Variants in DOCK4 observed in about 807,000 individuals in gnomAD.
The protein encoded by DOCK4 is dedicator of cytokinesis 4.
Under a neutral mutation model 268.1 loss-of-function variants are expected in DOCK4, and 97 were observed. The ratio of observed to expected loss-of-function variants is 0.36; its 90% CI spans 0.31 to 0.43. DOCK4 has a LOEUF of 0.43. Ranked by LOEUF, DOCK4 falls within the 20% of genes least tolerant of loss-of-function variation. The pLI, the probability that DOCK4 is intolerant of heterozygous loss-of-function variation, is 1.00. For synonymous variants in DOCK4, 954 were observed against 887.2 expected (o/e 1.08, Z -1.34); for missense variants, 2,145 against 2,455.7 (o/e 0.87, Z 2.67).
At chr7:112,131,218 A>G (rs1321757730) in intron 1 of DOCK4, among the ~76,000 whole-genome samples, 1 of 152,206 alleles carries the variant, frequency 6.6e-6, no homozygotes, top group Non-Finnish European at 1.5e-5. Flanking sequence ...TCCATTCAGC[A>G]CTTGAGATTG....
At chr7:112,152,897 C>T (rs184878417) in intron 1 of DOCK4, among the ~76,000 whole-genome samples, 2 of 152,194 alleles carry the variant, frequency 1.3e-5, no homozygotes, top group East Asian at 3.9e-4. Flanking sequence ...AACTAAGAGC[C>T]TGTAAGAGTA....
At chr7:111,956,909 C>T (rs1796493335) in intron 8 of DOCK4, among the ~76,000 whole-genome samples, 1 of 152,278 alleles carries the variant, frequency 6.6e-6, no homozygotes, top group Middle Eastern at 3.4e-3. Flanking sequence ...ATTCCAATAG[C>T]TTTTACTGAT....
intron 23 of DOCK4, among the ~76,000 whole-genome samples, chr7:111,858,007 G>C (rs1450733013): frequency 6.6e-6 from 1 of 152,168 alleles, no homozygotes; most frequent in South Asian, 2.1e-4. Flanking sequence ...GATTCCAAAA[G>C]TTATCTGTGT....
At chr7:112,067,657 G>A (rs1284316111) in intron 1 of DOCK4, among the ~76,000 whole-genome samples, 1 of 152,196 alleles carries the variant, frequency 6.6e-6, no homozygotes, top group African/African-American at 2.4e-5. Flanking sequence ...GGGCAGAGAT[G>A]AGTTTCCTGC....
chr7:112,148,032 C>T (rs1355035158), intron 1 of DOCK4, among the ~76,000 whole-genome samples: 5 of 152,118 alleles, frequency 3.3e-5, no homozygotes, highest in East Asian at 1.9e-4. Flanking sequence ...ATGTTCTCTG[C>T]TTTCTGTGTC....
intron 1 of DOCK4, among the ~76,000 whole-genome samples, chr7:112,170,873 T>C (rs1818027829): frequency 6.6e-6 from 1 of 151,978 alleles, no homozygotes; most frequent in Non-Finnish European, 1.5e-5. Context: ...CCATATATGA[T>C]AAAAAAAATT....
At chr7:111,729,896 GT>G (rs1290655194) in intron 52 of DOCK4, among the ~76,000 whole-genome samples, 2 of 152,220 alleles carry the variant, frequency 1.3e-5, no homozygotes, top group Admixed American at 1.3e-4. Flanking sequence ...TTCCTCAGCA[GT>G]TTTTTAAAAA....
chr7:112,074,292 T>A (rs936085715), intron 1 of DOCK4, among the ~76,000 whole-genome samples: 1 of 152,186 alleles, frequency 6.6e-6, no homozygotes. Context: ...ACAGGTTAGA[T>A]TTTTTACTGT....
chr7:112,037,435 T>G (rs1803907625), intron 1 of DOCK4, among the ~76,000 whole-genome samples: 1 of 152,206 alleles, frequency 6.6e-6, no homozygotes, highest in Admixed American at 6.5e-5. Context: ...ACTTCCTTTT[T>G]GCACCTTTCC....
intron 8 of DOCK4, among the ~76,000 whole-genome samples, chr7:111,963,048 T>C (rs1797057477): frequency 6.6e-6 from 1 of 152,132 alleles, no homozygotes; most frequent in Non-Finnish European, 1.5e-5. Flanking sequence ...TGCAATACGT[T>C]AATAGATTAG....
At chr7:111,758,490 G>C (rs562755410) in intron 41 of DOCK4, 134 bp downstream of exon 41, 1 of 1,033,208 alleles carries the variant, frequency 9.7e-7, no homozygotes, top group Non-Finnish European at 1.4e-6. Context: ...AGAACCACTA[G>C]ACTAAATGAT....
chr7:111,766,972 C>A, intron 38 of DOCK4, 60 bp downstream of exon 38: 1 of 1,348,164 alleles, frequency 7.4e-7, no homozygotes, highest in East Asian at 2.3e-5. Context: ...TAGAACCACA[C>A]TGGAAAGCTA....
chr7:112,049,301 G>A (rs904059558), intron 1 of DOCK4, among the ~76,000 whole-genome samples: 43 of 152,128 alleles, frequency 2.8e-4, no homozygotes, highest in African/African-American at 8.9e-4. Context: ...TATGCTACAT[G>A]TGAAATGGTG....
intron 1 of DOCK4, among the ~76,000 whole-genome samples, chr7:112,194,641 G>C (rs1820258242): frequency 6.6e-6 from 1 of 152,146 alleles, no homozygotes; most frequent in Non-Finnish European, 1.5e-5. Context: ...ATAATGTTTG[G>C]CTTATAGAAG....
intron 1 of DOCK4, among the ~76,000 whole-genome samples, chr7:112,035,889 G>A (rs1172802330): frequency 6.6e-6 from 1 of 151,958 alleles, no homozygotes; most frequent in Non-Finnish European, 1.5e-5. Flanking sequence ...TTAAAAAATC[G>A]AGCTATAACT....
intron 1 of DOCK4, among the ~76,000 whole-genome samples, chr7:112,112,935 A>T (rs964696636): frequency 1.3e-5 from 2 of 152,160 alleles, no homozygotes; most frequent in African/African-American, 4.8e-5. Context: ...GTCTTCAAGG[A>T]CGTGACAGGC....
intron 6 of DOCK4, among the ~76,000 whole-genome samples, chr7:111,988,530 A>G (rs754635929): frequency 1.3e-5 from 2 of 152,222 alleles, no homozygotes; most frequent in African/African-American, 2.4e-5. Context: ...GTGTATGTAC[A>G]GGACTAATCA....
chr7:111,836,868 C>T (rs1220369812), intron 25 of DOCK4, among the ~76,000 whole-genome samples: 1 of 151,644 alleles, frequency 6.6e-6, no homozygotes, highest in Non-Finnish European at 1.5e-5. Context: ...AAAAGAAAAA[C>T]AGAAAAAAGC....
chr7:111,986,375 C>T (rs546624300), intron 6 of DOCK4, among the ~76,000 whole-genome samples: 9 of 152,306 alleles, frequency 5.9e-5, no homozygotes, highest in Middle Eastern at 3.4e-3. Flanking sequence ...CTTGATTGTT[C>T]AGCTTCTGTT....
Sources: allele counts gnomAD v4.1 joint callset (sites outside exome capture counted in the v4.1 genomes callset), GRCh38; gene constraint gnomAD v4.1.1; transcripts MANE v1.5; gene names NCBI Gene and HGNC (gene_info 2026-07-23, HGNC 2026-07-21).